The following ANK3 variants were observed in gnomAD, a reference collection of about 807,000 sequenced individuals.
ANK3 encodes ankyrin 3, also known as ankyrin-3.
Under a neutral mutation model 370.9 loss-of-function variants are expected in ANK3, and 57 were observed. The observed-to-expected ratio is 0.15, with a 90% CI of 0.12 to 0.19. The LOEUF (loss-of-function observed/expected upper bound fraction) is 0.19, where lower values mean the gene tolerates loss of function less well. Ranked by LOEUF, ANK3 falls within the 10% of genes least tolerant of loss-of-function variation. The pLI is 1.00. For synonymous variants in ANK3, 1,929 were observed against 1,946.3 expected, an observed-to-expected ratio of 0.99 and a Z score of 0.23; for missense variants, 4,439 against 5,302.1, an observed-to-expected ratio of 0.84 and a Z score of 5.06.
At chr10:60,114,928 C>A (rs1372467432) in intron 25 of ANK3, among the ~76,000 whole-genome samples, 2 of 152,164 alleles carry the variant, frequency 1.3e-5, no homozygotes, top group African/African-American at 2.4e-5. Flanking sequence ...TTGTCAGTTA[C>A]CAGTGCAAAC....
chr10:60,551,164 A>G (rs939940471), intron 2 of ANK3, among the ~76,000 whole-genome samples: 8 of 152,134 alleles, frequency 5.3e-5, no homozygotes, highest in Non-Finnish European at 1.2e-4. Context: ...TGAATTTAGA[A>G]TCTGAATATT....
At chr10:60,298,261 T>C (rs2042956895) in intron 1 of ANK3, among the ~76,000 whole-genome samples, 1 of 152,178 alleles carries the variant, frequency 6.6e-6, no homozygotes, top group South Asian at 2.1e-4. Flanking sequence ...CAAAACTAGT[T>C]CTAGTTCTTC....
intron 25 of ANK3, among the ~76,000 whole-genome samples, chr10:60,129,320 A>G (rs1000827385): frequency 1.3e-5 from 2 of 152,236 alleles, no homozygotes; most frequent in African/African-American, 2.4e-5. Context: ...AAAGAGCCAC[A>G]GGTAATTCCA....
chr10:60,134,123 A>ATT (rs3217306), intron 25 of ANK3, 148 bp downstream of exon 25: 455 of 589,122 alleles, frequency 7.7e-4, no homozygotes, highest in Non-Finnish European at 9.4e-4. Flanking sequence ...AGTACAACTT[A>ATT]TTTTTTTTTA....
At chr10:60,495,840 T>C (rs2075640429) in intron 2 of ANK3, among the ~76,000 whole-genome samples, 1 of 152,192 alleles carries the variant, frequency 6.6e-6, no homozygotes, top group Non-Finnish European at 1.5e-5. Flanking sequence ...TGTGATTTTT[T>C]TATAAGACTC....
chr10:60,385,337 A>G (rs2132850417), intron 1 of ANK3, among the ~76,000 whole-genome samples: 1 of 151,914 alleles, frequency 6.6e-6, no homozygotes, highest in South Asian at 2.1e-4. Flanking sequence ...GCTCAGCTTC[A>G]TTGAGATTCT....
intron 2 of ANK3, among the ~76,000 whole-genome samples, chr10:60,474,489 G>A (rs2133088690): frequency 6.6e-6 from 1 of 152,152 alleles, no homozygotes. Context: ...AGGAACAATG[G>A]GTTGAATCAA....
chr10:60,336,262 A>G (rs568344649), intron 1 of ANK3, among the ~76,000 whole-genome samples: 2 of 152,202 alleles, frequency 1.3e-5, no homozygotes, highest in African/African-American at 4.8e-5. Flanking sequence ...AGTTGAGCAT[A>G]TTTGCAGGAG....
At chr10:60,363,211 C>T (rs150396326) in intron 1 of ANK3, among the ~76,000 whole-genome samples, 103 of 152,200 alleles carry the variant, frequency 6.8e-4, no homozygotes, top group African/African-American at 2.4e-3. Context: ...CTGGCCCTGT[C>T]GTTCACTTCT....
chr10:60,531,509 T>C (rs1022385870), intron 2 of ANK3, among the ~76,000 whole-genome samples: 13 of 152,136 alleles, frequency 8.5e-5, no homozygotes, highest in Non-Finnish European at 1.6e-4. Context: ...TGTCTGTTTA[T>C]ACATTTTATT....
At chr10:60,717,852 A>C (rs1258820167) in intron 1 of ANK3, among the ~76,000 whole-genome samples, 1 of 152,268 alleles carries the variant, frequency 6.6e-6, no homozygotes, top group African/African-American at 2.4e-5. Flanking sequence ...AATTAAATTT[A>C]GTAGAGTTTA....
At chr10:60,151,602 A>T (rs1371390709) in intron 23 of ANK3, among the ~76,000 whole-genome samples, 1 of 152,218 alleles carries the variant, frequency 6.6e-6, no homozygotes, top group Non-Finnish European at 1.5e-5. Context: ...AAAAGTGTTC[A>T]AAATTACAAT....
intron 2 of ANK3, among the ~76,000 whole-genome samples, chr10:60,534,307 T>C (rs540472692): frequency 6.6e-6 from 1 of 152,220 alleles, no homozygotes; most frequent in African/African-American, 2.4e-5. Context: ...GTGAATTGCT[T>C]CTGCGCCTCA....
At chr10:60,505,743 A>G (rs1223707010) in intron 2 of ANK3, among the ~76,000 whole-genome samples, 1 of 152,164 alleles carries the variant, frequency 6.6e-6, no homozygotes, top group Admixed American at 6.6e-5. Context: ...TTTGGACCCC[A>G]TAAATTTCCA....
rs182932386 is a variant in ANK3, at chr10:60,143,976, A to G, written c.2615-4889T>C. Among the ~76,000 whole-genome samples the G allele has an allele frequency of 2.9e-3, 445 of 152,216 alleles. 4 individuals are homozygous for G. The highest frequency in any genetic ancestry group is 0.01 in the African/African-American group (418 of 41,498). ...GAGACAAAAAGAGAGTCAAAGAGAG[A>G]GAGAGAGAGAAAGAGAAATGCCCAG... On this transcript the variant is annotated intron_variant, in intron 23 of 43. Transcript: ENST00000280772.
intron 2 of ANK3, among the ~76,000 whole-genome samples, chr10:60,450,506 C>A (rs1254765083): frequency 1.3e-5 from 2 of 151,878 alleles, no homozygotes; most frequent in African/African-American, 4.8e-5. Context: ...GCATTGTTAG[C>A]CAAAGAAGTG....
intron 2 of ANK3, among the ~76,000 whole-genome samples, chr10:60,420,329 T>A (rs1296789647): frequency 1.3e-5 from 2 of 152,150 alleles, no homozygotes; most frequent in Admixed American, 1.3e-4. Flanking sequence ...GGGTCATGTT[T>A]AAGGCACTGA....
At chr10:60,361,179 A>T (rs1409614568) in intron 1 of ANK3, among the ~76,000 whole-genome samples, 1 of 152,218 alleles carries the variant, frequency 6.6e-6, no homozygotes, top group Non-Finnish European at 1.5e-5. Context: ...TTTCTCGACT[A>T]AGGAAGCTGT....
chr10:60,399,355 A>G (rs1298821904), intron 2 of ANK3, among the ~76,000 whole-genome samples: 2 of 152,190 alleles, frequency 1.3e-5, no homozygotes, highest in Non-Finnish European at 2.9e-5. Flanking sequence ...GAAATGTAAG[A>G]TGCTTGTTCC....
Sources: allele counts gnomAD v4.1 joint callset (sites outside exome capture counted in the v4.1 genomes callset), GRCh38; gene constraint gnomAD v4.1.1; transcripts MANE v1.5; gene names NCBI Gene and HGNC (gene_info 2026-07-23, HGNC 2026-07-21).